SLC1A6: variants seen among roughly 807,000 people sequenced by gnomAD.
SLC1A6 encodes excitatory amino acid transporter 4.
Under a neutral mutation model 42.1 loss-of-function variants are expected in SLC1A6, and 15 were observed. That is an observed-to-expected ratio of 0.36 (90% confidence interval 0.24 to 0.55). SLC1A6 has a LOEUF of 0.55. SLC1A6 is among the 20% of genes least tolerant of loss of function. The pLI is 0.88. For missense variants in SLC1A6, 542 were observed against 772.5 expected (o/e 0.70, Z 3.54); for synonymous variants, 317 against 319.7 (o/e 0.99, Z 0.09).
chr19:14,983,504 A>G (rs1170087282), upstream of SLC1A6, among the ~76,000 whole-genome samples: 2 of 151,712 alleles, frequency 1.3e-5, no homozygotes, highest in African/African-American at 4.8e-5. Flanking sequence ...TGAGCAACAT[A>G]TTGAGACTCC....
At chr19:14,994,095 T>G (rs2045833733) in intron 1 of SLC1A6, among the ~76,000 whole-genome samples, 1 of 152,098 alleles carries the variant, frequency 6.6e-6, no homozygotes, top group Non-Finnish European at 1.5e-5. Flanking sequence ...CCACACGAAA[T>G]GATGCTGGAG....
chr19:15,007,029 G>C (rs76376897), intron 1 of SLC1A6, among the ~76,000 whole-genome samples: 473 of 152,298 alleles, frequency 3.1e-3, no homozygotes, highest in African/African-American at 0.011. Flanking sequence ...TACGTATTGA[G>C]TGCTTGCCAT....
At chr19:14,995,042 T>A (rs1264679678) in intron 1 of SLC1A6, among the ~76,000 whole-genome samples, 1 of 151,508 alleles carries the variant, frequency 6.6e-6, no homozygotes, top group African/African-American at 2.4e-5. Context: ...GAGAGTAGAG[T>A]GGCCGAGTGT....
chr19:14,997,060 G>T (rs950154134), intron 1 of SLC1A6, among the ~76,000 whole-genome samples: 1 of 152,152 alleles, frequency 6.6e-6, no homozygotes, highest in African/African-American at 2.4e-5. Flanking sequence ...TCCTAAAAAA[G>T]ATAGCTACTA....
At chr19:15,004,033 G>T (rs547156354) in intron 1 of SLC1A6, among the ~76,000 whole-genome samples, 18 of 152,204 alleles carry the variant, frequency 1.2e-4, no homozygotes, top group Admixed American at 5.2e-4. Context: ...GTGGGCCCCT[G>T]TAGTCCCAGC....
intron 1 of SLC1A6, among the ~76,000 whole-genome samples, chr19:15,009,802 G>A (rs1000751994): frequency 2.0e-5 from 3 of 152,136 alleles, no homozygotes; most frequent in Non-Finnish European, 4.4e-5. Context: ...GGGCAGGTGA[G>A]AGATGCCCAA....
chr19:14,956,442 A>G (rs2145170014), intron 7 of SLC1A6, 34 bp downstream of exon 7: 1 of 1,419,264 alleles, frequency 7.0e-7, no homozygotes, highest in South Asian at 1.4e-5. Flanking sequence ...AAGTGCAACC[A>G]GGAATGGTGC....
intron 3 of SLC1A6, among the ~76,000 whole-genome samples, chr19:14,971,322 T>C (rs1048599113): frequency 9.9e-5 from 15 of 151,924 alleles, no homozygotes. Context: ...CATACTCCCA[T>C]CCCACCCTCT....
chr19:14,999,002 C>T (rs912362598), intron 1 of SLC1A6, among the ~76,000 whole-genome samples: 4 of 151,994 alleles, frequency 2.6e-5, no homozygotes, highest in East Asian at 1.9e-4. Context: ...CTCAGCCTCC[C>T]GAGTAGCTGG....
intron 1 of SLC1A6, among the ~76,000 whole-genome samples, chr19:14,993,567 T>A: frequency 6.6e-6 from 1 of 152,182 alleles, no homozygotes; most frequent in East Asian, 1.9e-4. Flanking sequence ...CCCTGGCAAC[T>A]CTGTCTTAGT....
At chr19:14,976,500 G>A (rs1442128741) in intron 1 of SLC1A6, among the ~76,000 whole-genome samples, 2 of 152,172 alleles carry the variant, frequency 1.3e-5, no homozygotes, top group Non-Finnish European at 2.9e-5. Context: ...ATTCTCTTAA[G>A]TGCAATAATT....
intron 1 of SLC1A6, among the ~76,000 whole-genome samples, chr19:15,005,511 CAAAAACAA>C (rs886096922): frequency 3.0e-4 from 46 of 151,912 alleles, no homozygotes; most frequent in Middle Eastern, 3.4e-3. Flanking sequence ...CTCCTTCTCA[CAAAAACAA>C]AAAAACAAAA....
intron 1 of SLC1A6, among the ~76,000 whole-genome samples, chr19:15,008,846 T>G (rs1317995718): frequency 2.7e-4 from 6 of 22,468 alleles, no homozygotes; most frequent in Non-Finnish European, 4.4e-4. Context: ...TAATTCGCGT[T>G]TTTTTTTTTT....
intron 1 of SLC1A6, 81 bp from the exon 2 acceptor site, chr19:14,972,998 G>A (rs2045662611): frequency 9.0e-7 from 1 of 1,113,302 alleles, no homozygotes; most frequent in African/African-American, 1.6e-5. Flanking sequence ...GCTGCGAAGG[G>A]TAATGAGCGC....
chr19:14,969,682 C>T (rs2045615400), intron 3 of SLC1A6, among the ~76,000 whole-genome samples: 1 of 152,200 alleles, frequency 6.6e-6, no homozygotes, highest in Admixed American at 6.5e-5. Flanking sequence ...TCTAGGAAAC[C>T]CAACCTAAGA....
At chr19:14,999,911 T>C (rs1339857842) in intron 1 of SLC1A6, among the ~76,000 whole-genome samples, 1 of 152,184 alleles carries the variant, frequency 6.6e-6, no homozygotes, top group Non-Finnish European at 1.5e-5. Flanking sequence ...TTGTTACATA[T>C]ATATACATGT....
chr19:14,968,598 T>C (rs1322542667), intron 3 of SLC1A6, 91 bp from the exon 4 acceptor site: 2 of 1,117,928 alleles, frequency 1.8e-6, no homozygotes, highest in Non-Finnish European at 2.5e-6. Context: ...TATCACCAAC[T>C]CAACAGCCGA....
intron 6 of SLC1A6, among the ~76,000 whole-genome samples, chr19:14,957,744 A>AT (rs2045475288): frequency 1.3e-5 from 2 of 152,370 alleles, no homozygotes; most frequent in South Asian, 4.1e-4. Flanking sequence ...TCAAGTGGTG[A>AT]TAACAGCAAA....
chr19:14,983,804 A>G (rs747457524), upstream of SLC1A6, among the ~76,000 whole-genome samples: 1 of 151,266 alleles, frequency 6.6e-6, no homozygotes, highest in Non-Finnish European at 1.5e-5. Flanking sequence ...TAGGTAAGCT[A>G]TGCTCAGACA....
Sources: allele counts gnomAD v4.1 joint callset (sites outside exome capture counted in the v4.1 genomes callset), GRCh38; gene constraint gnomAD v4.1.1; transcripts MANE v1.5; gene names NCBI Gene and HGNC (gene_info 2026-07-23, HGNC 2026-07-21).